Variants in AIG1 observed in about 807,000 individuals in gnomAD.
The protein encoded by AIG1 is androgen-induced gene 1 protein.
AIG1 carries 23 observed loss-of-function variants against 31.4 expected under a neutral mutation model. The ratio of observed to expected loss-of-function variants is 0.73; its 90% CI spans 0.53 to 1.04. AIG1 has a LOEUF of 1.04. Ranked by LOEUF, AIG1 falls within the 50% of genes least tolerant of loss-of-function variation. The probability of loss-of-function intolerance (pLI) is 0.00; values close to 1 mark genes in which losing one functional copy is unlikely to be tolerated. For synonymous variants in AIG1, 100 were observed against 110.5 expected (o/e 0.90, Z 0.60); for missense variants, 274 against 295.0 (o/e 0.93, Z 0.52).
intron 3 of AIG1, among the ~76,000 whole-genome samples, chr6:143,274,790 C>G (rs529842920): frequency 6.6e-6 from 1 of 152,282 alleles, no homozygotes; most frequent in East Asian, 1.9e-4. Flanking sequence ...TTTATGAGTT[C>G]TACACTACCT....
At chr6:143,110,988 A>G (rs892540138) in intron 1 of AIG1, among the ~76,000 whole-genome samples, 2 of 152,226 alleles carry the variant, frequency 1.3e-5, no homozygotes, top group African/African-American at 2.4e-5. Context: ...AGATGAAGTT[A>G]TAAATTAAAT....
chr6:143,075,044 T>C (rs557894559), intron 1 of AIG1, among the ~76,000 whole-genome samples: 2 of 152,338 alleles, frequency 1.3e-5, no homozygotes, highest in East Asian at 3.9e-4. Flanking sequence ...TGTCAATTTT[T>C]AAAACAGATT....
intron 4 of AIG1, among the ~76,000 whole-genome samples, chr6:143,307,306 T>G (rs1799391818): frequency 6.6e-6 from 1 of 152,232 alleles, no homozygotes; most frequent in Non-Finnish European, 1.5e-5. Context: ...GTTTTTCTGC[T>G]GTTTTTTCCC....
Position 143,295,513 on chromosome 6 carries a change from G to C in AIG1, c.515+11288G>C, listed in dbSNP as rs183074732. ...TTTGCTTGCTAGCTCCAGACACAGT[G>C]ATCTTCTCTGATTGTCAAAAGCAAT... On this transcript the variant is annotated intron_variant, in intron 4 of 5. Coordinates refer to ENST00000357847, the MANE Select transcript of AIG1 (RefSeq NM_016108.4). 4.5e-4 allele frequency among the ~76,000 whole-genome samples: 69 copies of C among 152,228 alleles called. 1 individual carries two copies. The highest frequency in any genetic ancestry group is 5.4e-4 in the Non-Finnish European group (37 of 68,010).
intron 1 of AIG1, among the ~76,000 whole-genome samples, chr6:143,126,499 C>T (rs552180359): frequency 9.2e-5 from 14 of 152,282 alleles, no homozygotes; most frequent in South Asian, 2.1e-4. Flanking sequence ...AAGAATTATG[C>T]GCTGTTAAAA....
At chr6:143,071,725 C>T (rs992888878) in intron 1 of AIG1, among the ~76,000 whole-genome samples, 3 of 150,368 alleles carry the variant, frequency 2.0e-5, no homozygotes, top group Non-Finnish European at 4.4e-5. Flanking sequence ...TCCTCCTTCT[C>T]CCTCTTTCTC....
At chr6:143,261,970 A>G (rs962566071) in intron 3 of AIG1, among the ~76,000 whole-genome samples, 3 of 152,264 alleles carry the variant, frequency 2.0e-5, no homozygotes, top group Non-Finnish European at 2.9e-5. Context: ...ATTATCTTTC[A>G]GAAAGCATTT....
chr6:143,125,984 T>G (rs1782654993), intron 1 of AIG1, among the ~76,000 whole-genome samples: 1 of 152,208 alleles, frequency 6.6e-6, no homozygotes, highest in Non-Finnish European at 1.5e-5. Context: ...TAAATCACAT[T>G]CTGCAAACCA....
At chr6:143,275,854 T>C (rs1176072355) in intron 3 of AIG1, among the ~76,000 whole-genome samples, 1 of 152,174 alleles carries the variant, frequency 6.6e-6, no homozygotes, top group Non-Finnish European at 1.5e-5. Flanking sequence ...ACATACTAAT[T>C]GGGAAATCTT....
At chr6:143,302,211 TTTTTTTTAATTTAA>T in intron 4 of AIG1, among the ~76,000 whole-genome samples, 1 of 151,466 alleles carries the variant, frequency 6.6e-6, no homozygotes, top group Middle Eastern at 3.4e-3. Context: ...TTTTTCTTTC[TTTTTTTTAATTTAA>T]TTTTATTATT....
At chr6:143,318,849 A>G (rs550569151) in intron 4 of AIG1, among the ~76,000 whole-genome samples, 4 of 152,292 alleles carry the variant, frequency 2.6e-5, no homozygotes, top group African/African-American at 9.6e-5. Flanking sequence ...ATGAAGATAT[A>G]CAAATGGCCG....
intron 4 of AIG1, among the ~76,000 whole-genome samples, chr6:143,324,433 A>G (rs1776448013): frequency 6.6e-6 from 1 of 152,220 alleles, no homozygotes; most frequent in Admixed American, 6.5e-5. Context: ...GGGAGATTTT[A>G]TACTTAGATC....
chr6:143,085,717 C>G (rs1263029633), intron 1 of AIG1, among the ~76,000 whole-genome samples: 1 of 152,176 alleles, frequency 6.6e-6, no homozygotes, highest in Non-Finnish European at 1.5e-5. Context: ...GACATTTGAG[C>G]AGACCAATTA....
rs138385135 is a variant in AIG1, at chr6:143,335,998, C to T, written c.679+2553C>T. 3.1e-3 allele frequency among the ~76,000 whole-genome samples: 475 copies of T among 151,674 alleles called. 1 individual carries two copies. Among genetic ancestry groups the T allele is most frequent in the Middle Eastern group, 0.031 (9 of 292 alleles). On this transcript the variant is annotated intron_variant, in intron 5 of 5. Coordinates refer to ENST00000357847, the MANE Select transcript of AIG1 (RefSeq NM_016108.4). ...GAAAAAAGAATTGAGTATCAGTTAT[C>T]CACTTTAGATGACTAACTTTCCCTC...
intron 3 of AIG1, among the ~76,000 whole-genome samples, chr6:143,267,556 C>G (rs1471156397): frequency 6.6e-6 from 1 of 152,160 alleles, no homozygotes. Flanking sequence ...TAGTCTTTCT[C>G]TCATCTTTTT....
chr6:143,079,779 C>CTTT (rs78637706), intron 1 of AIG1, among the ~76,000 whole-genome samples: 98 of 106,938 alleles, frequency 9.2e-4, no homozygotes, highest in Middle Eastern at 6.0e-3. Flanking sequence ...GGATAGATTC[C>CTTT]TTTTTTTTTT....
In AIG1 at chr6:143,333,525, C is replaced by T. The variant is rs1777250923; in HGVS notation, c.679+80C>T. ...ATGCAGAGACTGAGGGAAAATTCCA[C>T]TGTAGCCTCTTCTTTTAGCCTTCAC... On this transcript the variant is annotated intron_variant, in intron 5 of 5. Transcript: ENST00000357847. The surrounding 1 kb of genome is among the most constrained non-coding windows in gnomAD (Gnocchi z 4.6). 1 of 1,420,830 alleles carries T rather than the reference C, an allele frequency of 7.0e-7. No individual in the cohort carries two copies. Among genetic ancestry groups the T allele is most frequent in the African/African-American group, 1.5e-5 (1 of 68,758 alleles). 88.0% of individuals were successfully genotyped at this position (1,420,830 alleles called of 1,614,324 possible).
intron 3 of AIG1, among the ~76,000 whole-genome samples, chr6:143,267,087 A>G (rs932304855): frequency 6.6e-6 from 1 of 152,140 alleles, no homozygotes; most frequent in South Asian, 2.1e-4. Context: ...TCTCTTTGTA[A>G]AACATCTCCT....
At position 143,303,609 on chromosome 6, in the gene AIG1, T is replaced by C. The variant is rs1185648569; in HGVS notation, c.515+19384T>C. 3.4e-4 allele frequency among the ~76,000 whole-genome samples: 51 copies of C among 151,116 alleles called. No homozygotes were observed. The East Asian group carries it at 8.0e-3, about 24-fold the overall frequency. ...TATCTCTGTTTTGGTACCAGTACCATGCTGTTTTGGTTACTGTAGCCTTGT... is the reference window on the plus strand; with the variant it reads ...TATCTCTGTTTTGGTACCAGTACCACGCTGTTTTGGTTACTGTAGCCTTGT... On this transcript the variant is annotated intron_variant, in intron 4 of 5. Transcript: ENST00000357847.
Sources: gnomAD v4.1 joint callset for allele counts (sites outside exome capture counted in the v4.1 genomes callset) on GRCh38, gnomAD v4.1.1 for gene constraint, Gnocchi (gnomAD v3.1) non-coding constraint, MANE v1.5 for transcripts, NCBI Gene and HGNC (gene_info 2026-07-23, HGNC 2026-07-21) for gene names.